RIT2: variants seen among roughly 807,000 people sequenced by gnomAD.
RIT2 encodes Ras like without CAAX 2, also known as GTP-binding protein Rit2.
A neutral mutation model predicts 23.7 loss-of-function variants in RIT2; 24 were observed. The observed-to-expected ratio is 1.01, with a 90% CI of 0.73 to 1.43. RIT2 has a LOEUF of 1.43. RIT2 is among the 40% of genes most tolerant of loss of function. The pLI is 0.00. For missense variants in RIT2, 236 were observed against 266.9 expected (o/e 0.88, Z 0.81); for synonymous variants, 107 against 91.1 (o/e 1.17, Z -0.99).
At chr18:42,954,677 T>A (rs965274753) in intron 3 of RIT2, among the ~76,000 whole-genome samples, 2 of 152,140 alleles carry the variant, frequency 1.3e-5, no homozygotes, top group African/African-American at 2.4e-5. Flanking sequence ...TTTTTTTAAA[T>A]TTTTTAAGGT....
At chr18:42,789,990 A>G (rs1914006240) in intron 4 of RIT2, among the ~76,000 whole-genome samples, 1 of 152,202 alleles carries the variant, frequency 6.6e-6, no homozygotes, top group African/African-American at 2.4e-5. Context: ...GTTTCGATGT[A>G]TATTCCTTCT....
chr18:42,878,807 G>A (rs1036782228), intron 4 of RIT2, among the ~76,000 whole-genome samples: 1 of 151,780 alleles, frequency 6.6e-6, no homozygotes, highest in African/African-American at 2.4e-5. Context: ...TATGGAAGGT[G>A]AGAATTCAGC....
At chr18:42,859,739 T>C (rs1598687158) in intron 4 of RIT2, among the ~76,000 whole-genome samples, 2 of 152,186 alleles carry the variant, frequency 1.3e-5, no homozygotes, top group African/African-American at 4.8e-5. Context: ...TTTGACTTTG[T>C]ATATGGTATG....
chr18:42,806,617 T>C (rs921406633), intron 4 of RIT2, among the ~76,000 whole-genome samples: 2 of 152,242 alleles, frequency 1.3e-5, no homozygotes, highest in African/African-American at 4.8e-5. Flanking sequence ...TCATTTGCTT[T>C]TACATAATCA....
At chr18:42,914,991 GGTTGA>G (rs1568029173) in intron 4 of RIT2, among the ~76,000 whole-genome samples, 1 of 79,768 alleles carries the variant, frequency 1.3e-5, no homozygotes, top group Admixed American at 1.7e-4. Flanking sequence ...CTAAGCATGT[GGTTGA>G]GTTAAAGTAA....
intron 3 of RIT2, among the ~76,000 whole-genome samples, chr18:42,971,844 G>A (rs1368338825): frequency 6.6e-6 from 1 of 152,002 alleles, no homozygotes; most frequent in Non-Finnish European, 1.5e-5. Flanking sequence ...CTAGCAGATT[G>A]TCTCATCTGC....
At chr18:42,803,424 A>C (rs1368374402) in intron 4 of RIT2, among the ~76,000 whole-genome samples, 1 of 152,172 alleles carries the variant, frequency 6.6e-6, no homozygotes, top group African/African-American at 2.4e-5. Context: ...TTGTCACTGA[A>C]TACTGTATGT....
intron 4 of RIT2, among the ~76,000 whole-genome samples, chr18:42,766,619 G>A (rs148973275): frequency 1.5e-4 from 23 of 152,278 alleles, no homozygotes; most frequent in East Asian, 1.9e-4. Flanking sequence ...AATTCAAGCC[G>A]GCTGTAGAAA....
At chr18:42,992,530 CCT>C (rs1280807586) in intron 2 of RIT2, among the ~76,000 whole-genome samples, 1 of 152,100 alleles carries the variant, frequency 6.6e-6, no homozygotes, top group Non-Finnish European at 1.5e-5. Flanking sequence ...ACCCATCTGA[CCT>C]CTCTCTTCCT....
chr18:42,911,171 A>G (rs1164618848), intron 4 of RIT2, among the ~76,000 whole-genome samples: 1 of 152,090 alleles, frequency 6.6e-6, no homozygotes, highest in Admixed American at 6.6e-5. Flanking sequence ...TTAAAAATAT[A>G]CTCCTAAATA....
chr18:42,878,444 G>T (rs114848515), intron 4 of RIT2, among the ~76,000 whole-genome samples: 2,149 of 151,930 alleles, frequency 0.014, 62 homozygotes, highest in African/African-American at 0.049. Flanking sequence ...GGTTGAGTAG[G>T]CTGAGAAGGA....
At chr18:42,780,100 G>C (rs963665967) in intron 4 of RIT2, among the ~76,000 whole-genome samples, 2 of 108,720 alleles carry the variant, frequency 1.8e-5, no homozygotes, top group Non-Finnish European at 3.4e-5. Context: ...CATGGCCCCT[G>C]TCACAGCCTC....
intron 4 of RIT2, among the ~76,000 whole-genome samples, chr18:42,815,822 G>A (rs570951368): frequency 3.9e-5 from 6 of 152,238 alleles, no homozygotes; most frequent in Admixed American, 2.0e-4. Context: ...CAATTATGTA[G>A]CAATCAGGGA....
intron 1 of RIT2, among the ~76,000 whole-genome samples, chr18:43,047,293 C>G (rs746348616): frequency 9.2e-5 from 14 of 152,074 alleles, no homozygotes; most frequent in Non-Finnish European, 1.6e-4. Context: ...TCTCAATACT[C>G]TTTCTCCCTT....
At chr18:42,944,586 T>A (rs993241347) in intron 3 of RIT2, among the ~76,000 whole-genome samples, 2 of 152,204 alleles carry the variant, frequency 1.3e-5, no homozygotes, top group Non-Finnish European at 2.9e-5. Flanking sequence ...CATTTTCACA[T>A]GGGAGAGAGA....
intron 4 of RIT2, among the ~76,000 whole-genome samples, chr18:42,802,921 G>A (rs1905581761): frequency 6.6e-6 from 1 of 151,958 alleles, no homozygotes; most frequent in Admixed American, 6.6e-5. Context: ...TGTGTGTGTG[G>A]CAGTATACTA....
At chr18:43,040,885 C>A (rs1912112556) in intron 1 of RIT2, among the ~76,000 whole-genome samples, 1 of 152,090 alleles carries the variant, frequency 6.6e-6, no homozygotes, top group African/African-American at 2.4e-5. Flanking sequence ...ATCTTACTAG[C>A]TTCTATAAGA....
chr18:42,816,559 G>C (rs1357145595), intron 4 of RIT2, among the ~76,000 whole-genome samples: 1 of 152,102 alleles, frequency 6.6e-6, no homozygotes, highest in Non-Finnish European at 1.5e-5. Flanking sequence ...AATTCTTGGA[G>C]CCTCAGGTTT....
chr18:42,863,927 T>C (rs1907399017), intron 4 of RIT2, among the ~76,000 whole-genome samples: 1 of 152,080 alleles, frequency 6.6e-6, no homozygotes. Flanking sequence ...GCCAAACTAA[T>C]TGCATCAGGT....
Sources: gnomAD v4.1 joint callset for allele counts (sites outside exome capture counted in the v4.1 genomes callset) on GRCh38, gnomAD v4.1.1 for gene constraint, MANE v1.5 for transcripts, NCBI Gene and HGNC (gene_info 2026-07-23, HGNC 2026-07-21) for gene names.